The following SLC2A5 variants were observed in gnomAD, a reference collection of about 807,000 sequenced individuals.
SLC2A5 encodes solute carrier family 2, facilitated glucose transporter member 5.
Under a neutral mutation model 50.3 loss-of-function variants are expected in SLC2A5, and 56 were observed. That is an observed-to-expected ratio of 1.11 (90% CI 0.90 to 1.39). SLC2A5 has a LOEUF of 1.39. Ranked by LOEUF, SLC2A5 falls within the 40% of genes most tolerant of loss-of-function variation. The pLI is 0.00. For missense variants in SLC2A5, 566 were observed against 650.1 expected (o/e 0.87, Z 1.41); for synonymous variants, 269 against 281.9 (o/e 0.95, Z 0.46).
upstream of SLC2A5, among the ~76,000 whole-genome samples, chr1:9,089,293 G>A (rs186753880): frequency 6.6e-5 from 10 of 152,218 alleles, no homozygotes; most frequent in East Asian, 1.7e-3. Context: ...TTACACAAGA[G>A]CCCCAGGAAA....
chr1:9,073,813 C>A (rs1233762819), upstream of SLC2A5, among the ~76,000 whole-genome samples: 1 of 152,136 alleles, frequency 6.6e-6, no homozygotes, highest in Non-Finnish European at 1.5e-5. Context: ...GCTGGCCGGG[C>A]GCGGTGGCTC....
intron 3 of SLC2A5, among the ~76,000 whole-genome samples, chr1:9,050,222 A>G (rs1487213753): frequency 6.6e-6 from 1 of 151,870 alleles, no homozygotes; most frequent in African/African-American, 2.4e-5. Context: ...GTTTGCAGTG[A>G]GCTGAGATTA....
chr1:9,088,270 T>C (rs770046637), intron 1 of SLC2A5: 4 of 152,350 alleles, frequency 2.6e-5, no homozygotes, highest in East Asian at 1.9e-4. Context: ...CTCAACTCTC[T>C]GCATCCACTC....
chr1:9,066,061 A>G (rs1326618879), intron 1 of SLC2A5, among the ~76,000 whole-genome samples: 1 of 152,180 alleles, frequency 6.6e-6, no homozygotes, highest in Non-Finnish European at 1.5e-5. Flanking sequence ...GGGTTAATTA[A>G]TCCATTAATT....
At chr1:9,060,050 C>G (rs1465793317) in intron 1 of SLC2A5, among the ~76,000 whole-genome samples, 1 of 143,048 alleles carries the variant, frequency 7.0e-6, no homozygotes, top group East Asian at 2.2e-4. Context: ...TACACACACA[C>G]CACACACACA....
Position 9,058,091 on chromosome 1 carries a change from C to T in SLC2A5, c.132+61G>A, listed in dbSNP as rs548823319. 2.5e-5 allele frequency: 32 copies of T among 1,292,000 alleles called. No homozygotes were observed. The South Asian group carries it at 3.6e-4, about 15-fold the overall frequency. 80.0% of individuals were successfully genotyped at this position (1,292,000 alleles called of 1,614,324 possible). A position where few individuals can be genotyped will look rare whatever the true frequency, so the allele number is the denominator to read the frequency against. On this transcript the variant is annotated intron_variant, in intron 2 of 11. Transcript: ENST00000377424. ...TGAACAGCCCCACGCTGGCCAGTCC[C>T]ACCCAGGCAATGGGCTGCTCCAAAC...
At position 9,041,873 on chromosome 1, in the gene SLC2A5, A is replaced by G. The variant is rs759646555; in HGVS notation, c.483T>C (p.Ala161=). The change falls in exon 5 of 12, where the codon GCT becomes GCC. Residue 161 remains alanine, a synonymous_variant. Transcript: ENST00000377424. ...TGAAGAGCTGGGGCACCACCCCGAG[A>G]GCCCCCCGCAGGTTTTTAGGGGCCA... The part of the protein sequence containing the change: ...GELAPKNLRG[A]LGVVPQLFIT... 2.7e-5 allele frequency: 43 copies of G among 1,613,976 alleles called. No individual in the cohort carries two copies. The highest frequency in any genetic ancestry group is 3.6e-5 in the Non-Finnish European group (42 of 1,179,984).
intron 1 of SLC2A5, among the ~76,000 whole-genome samples, chr1:9,062,914 G>A (rs11121311): frequency 0.023 from 3,519 of 152,094 alleles, 140 homozygotes; most frequent in African/African-American, 0.08. Flanking sequence ...CAGCTACTAC[G>A]TGCAGAGCAG....
Position 9,038,004 on chromosome 1 carries a change from T to G in SLC2A5, c.1195A>C (p.Ile399Leu). Residue 399 changes from isoleucine to leucine, a missense_variant, in exon 11 of 12, where the codon ATC (isoleucine) becomes CTC (leucine). Ile to Leu is a conservative substitution (Grantham distance 5, BLOSUM62 2). Transcript: ENST00000377424. Reference protein sequence around the residue: ...LGPSPIPALLITEIFLQSSRP... With the variant: ...LGPSPIPALLLTEIFLQSSRP... Reference sequence around the variant, plus strand: ...GAGGACTGCAGGAAGATCTCAGTGATGAGCAGCGCGGGTATGGGACCTGTA... The same window carrying G: ...GAGGACTGCAGGAAGATCTCAGTGAGGAGCAGCGCGGGTATGGGACCTGTA... 1 of 1,613,846 alleles carries G rather than the reference T, an allele frequency of 6.2e-7. No homozygotes were observed.
At chr1:9,059,875 G>A (rs1342926482) in intron 1 of SLC2A5, among the ~76,000 whole-genome samples, 1 of 151,830 alleles carries the variant, frequency 6.6e-6, no homozygotes, top group Non-Finnish European at 1.5e-5. Flanking sequence ...GAGCCAGAAA[G>A]GGAGAGAAAC....
At chr1:9,082,329 T>TAGCCAAAAGGGGGAAAC (rs1642364056) in intron 2 of SLC2A5, among the ~76,000 whole-genome samples, 2 of 152,264 alleles carry the variant, frequency 1.3e-5, no homozygotes, top group South Asian at 4.1e-4. Flanking sequence ...AGTATTTACA[T>TAGCCAAAAGGGGGAAAC]AGCCAAAAGG....
chr1:9,035,636 A>G lies in SLC2A5; in HGVS notation c.*1950T>C, dbSNP rs752828965. 3 of 151,920 alleles carry G rather than the reference A, an allele frequency of 2.0e-5. No individual in the cohort carries two copies. The highest frequency in any genetic ancestry group is 4.4e-5 in the Non-Finnish European group (3 of 67,994). 9.4% of individuals were successfully genotyped at this position (151,920 alleles called of 1,614,324 possible). The stretch of plus-strand genomic sequence containing the variant: ...GTTTTATCCATATTTTTGCACATAC[A>G]CTCACACTCACACCCTTTATTCATA... On this transcript the variant is annotated 3_prime_UTR_variant, in exon 12 of 12. Transcript: ENST00000377424.
chr1:9,055,186 C>T (rs1371543576), intron 3 of SLC2A5, among the ~76,000 whole-genome samples: 1 of 152,082 alleles, frequency 6.6e-6, no homozygotes, highest in Non-Finnish European at 1.5e-5. Context: ...GGGTAAGTTA[C>T]AGTGTCTCTC....
intron 1 of SLC2A5, among the ~76,000 whole-genome samples, chr1:9,065,227 G>A (rs1319616256): frequency 6.6e-6 from 1 of 151,892 alleles, no homozygotes; most frequent in Non-Finnish European, 1.5e-5. Flanking sequence ...TGTTTCCCAG[G>A]GCTACAGTCC....
rs537913413 is a variant in SLC2A5 at position 9,075,665 on chromosome 1, AT to A, written c.-58-6072del. ...GATTATAGCCTGCATTGGATTTTCA[AT>A]TTTTTTTTTTTGAGACGAAGTCTCA... On this transcript the variant is annotated intron_variant, in intron 2 of 5. Coordinates refer to the SLC2A5 transcript ENST00000464985. 5.3e-4 allele frequency among the ~76,000 whole-genome samples: 78 copies of A among 147,288 alleles called. 1 individual carries two copies. Among genetic ancestry groups the A allele is most frequent in the Admixed American group, 2.3e-3 (34 of 14,734 alleles).
chr1:9,058,424 G>A (rs1234338469), intron 1 of SLC2A5, among the ~76,000 whole-genome samples, 174 bp from the exon 2 acceptor site: 1 of 152,176 alleles, frequency 6.6e-6, no homozygotes, highest in Non-Finnish European at 1.5e-5. Context: ...TCTCAACCAT[G>A]GCACTTTTGA....
chr1:9,041,868 C>G lies in SLC2A5; in HGVS notation c.488G>C (p.Gly163Ala), dbSNP rs1287502907. The change falls in exon 5 of 12, where the codon GGG (glycine) becomes GCG (alanine). Residue 163 changes from glycine to alanine, a missense_variant. Physicochemically the swap from Gly to Ala is moderately conservative, Grantham distance 60. Transcript: ENST00000377424. ...LAPKNLRGAL[G>A]VVPQLFITVG... The stretch of plus-strand genomic sequence containing the variant: ...AGTGATGAAGAGCTGGGGCACCACC[C>G]CGAGAGCCCCCCGCAGGTTTTTAGG... 3.7e-6 allele frequency: 6 copies of G among 1,613,878 alleles called. No homozygotes were observed. Among genetic ancestry groups the G allele is most frequent in the Non-Finnish European group, 5.1e-6 (6 of 1,180,002 alleles).
chr1:9,057,123 C>A (rs1263349307), intron 3 of SLC2A5, among the ~76,000 whole-genome samples: 2 of 152,048 alleles, frequency 1.3e-5, no homozygotes, highest in East Asian at 3.9e-4. Flanking sequence ...GAAACTCCGT[C>A]TCTACTAGAA....
the SLC2A5 span, among the ~76,000 whole-genome samples, chr1:9,094,117 C>G: frequency 6.6e-6 from 1 of 152,200 alleles, no homozygotes; most frequent in African/African-American, 2.4e-5. Flanking sequence ...CTAACTAATG[C>G]AGCCACACTA....
Sources: gnomAD v4.1 joint callset for allele counts (sites outside exome capture counted in the v4.1 genomes callset) on GRCh38, gnomAD v4.1.1 for gene constraint, MANE v1.5 for transcripts, NCBI Gene and HGNC (gene_info 2026-07-23, HGNC 2026-07-21) for gene names.